Variants in KMT2C observed in about 807,000 individuals in gnomAD.
The protein encoded by KMT2C is histone-lysine N-methyltransferase 2C.
In KMT2C, 88 loss-of-function variants were observed where a neutral mutation model predicts 507.9. The ratio of observed to expected loss-of-function variants is 0.17; its 90% CI spans 0.15 to 0.21. KMT2C has a LOEUF of 0.21. Among genes scored for constraint, KMT2C ranks in the 10% least tolerant of loss-of-function variants. KMT2C has a pLI of 1.00. For synonymous variants in KMT2C, 2,049 were observed against 2,080.8 expected, an observed-to-expected ratio of 0.98 and a Z score of 0.42; for missense variants, 4,954 against 5,957.8, an observed-to-expected ratio of 0.83 and a Z score of 5.55.
At chr7:152,409,289 GA>G (rs1342150307) in intron 1 of KMT2C, among the ~76,000 whole-genome samples, 1 of 151,914 alleles carries the variant, frequency 6.6e-6, no homozygotes, top group Non-Finnish European at 1.5e-5. Flanking sequence ...TTAGAGGTGT[GA>G]GCCACCAAGA....
intron 6 of KMT2C, among the ~76,000 whole-genome samples, chr7:152,286,995 T>C (rs2096310825): frequency 6.6e-6 from 1 of 152,208 alleles, no homozygotes; most frequent in Admixed American, 6.5e-5. Flanking sequence ...CATATACCTT[T>C]TGCAAAGACT....
At chr7:152,326,380 A>G (rs531590076) in intron 3 of KMT2C, among the ~76,000 whole-genome samples, 10 of 152,148 alleles carry the variant, frequency 6.6e-5, no homozygotes, top group Middle Eastern at 3.4e-3. Flanking sequence ...TTTCTCTATA[A>G]AAGTCTTACA....
intron 22 of KMT2C, among the ~76,000 whole-genome samples, chr7:152,221,256 C>T (rs542361444): frequency 3.0e-4 from 45 of 152,150 alleles, no homozygotes; most frequent in African/African-American, 1.1e-3. Flanking sequence ...GACTCTGTCT[C>T]AAAAAAGTCT....
chr7:152,149,793 A>T (rs899139164), intron 51 of KMT2C, among the ~76,000 whole-genome samples: 1 of 152,136 alleles, frequency 6.6e-6, no homozygotes, highest in Admixed American at 6.5e-5. Flanking sequence ...AGTATCATAA[A>T]CTAATAAACA....
At chr7:152,201,693 G>T (rs1355453184) in intron 26 of KMT2C, among the ~76,000 whole-genome samples, 1 of 137,166 alleles carries the variant, frequency 7.3e-6, no homozygotes, top group Non-Finnish European at 1.6e-5. Context: ...TTAAATGATC[G>T]TTTAAAAAAA....
chr7:152,242,395 TA>T (rs2095404131), intron 14 of KMT2C, among the ~76,000 whole-genome samples: 1 of 152,172 alleles, frequency 6.6e-6, no homozygotes, highest in Non-Finnish European at 1.5e-5. Context: ...AAAAAGTTAC[TA>T]AAAATTACTA....
chr7:152,195,791 C>T, intron 28 of KMT2C, 116 bp downstream of exon 28: 1 of 587,942 alleles, frequency 1.7e-6, no homozygotes, highest in Non-Finnish European at 2.7e-6. Flanking sequence ...TTAACAAAGC[C>T]AAAAACAAAA....
chr7:152,262,435 T>G (rs1017683806), intron 9 of KMT2C, among the ~76,000 whole-genome samples: 1 of 152,056 alleles, frequency 6.6e-6, no homozygotes, highest in Non-Finnish European at 1.5e-5. Flanking sequence ...ACTACCCCAC[T>G]GCCCCCAACC....
intron 3 of KMT2C, among the ~76,000 whole-genome samples, chr7:152,324,367 A>G (rs909787614): frequency 2.0e-5 from 3 of 151,750 alleles, no homozygotes; most frequent in Non-Finnish European, 4.4e-5. Flanking sequence ...ATGGATGTTA[A>G]TTTACTTGAT....
In KMT2C at chr7:152,154,295, A is replaced by T. The variant is rs2129098661; in HGVS notation, c.12111T>A (p.Ile4037=). The change falls in exon 47 of 59, where the codon ATT becomes ATA. Residue 4037 remains isoleucine (I), a synonymous_variant. Transcript: ENST00000262189. ...TCCCAGCAGTGCTAGGAAGAATTGG[A>T]ATGATGGGGGACGGCACCGGTTCTG... ...EPPEPVPSPI[I]PILPSTAGKS... is the part of the protein sequence containing the mutation. 1 of 1,614,188 alleles carries T rather than the reference A, an allele frequency of 6.2e-7. No individual in the cohort carries two copies.
At chr7:152,240,955 T>G (rs1196347455) in intron 14 of KMT2C, among the ~76,000 whole-genome samples, 1 of 152,184 alleles carries the variant, frequency 6.6e-6, no homozygotes, top group Non-Finnish European at 1.5e-5. Flanking sequence ...AGTACAAATG[T>G]GATCAAGCAA....
At chr7:152,300,309 G>T (rs772985413) in intron 6 of KMT2C, among the ~76,000 whole-genome samples, 11 of 152,160 alleles carry the variant, frequency 7.2e-5, no homozygotes, top group Non-Finnish European at 1.5e-4. Flanking sequence ...ATTTCAAGAG[G>T]GTTCCCTAAC....
intron 6 of KMT2C, among the ~76,000 whole-genome samples, chr7:152,301,773 G>C (rs1406885535): frequency 6.6e-6 from 1 of 151,950 alleles, no homozygotes; most frequent in Non-Finnish European, 1.5e-5. Flanking sequence ...AAAAACACTA[G>C]GATTCTATAG....
At chr7:152,215,739 C>G (rs1423883525) in intron 23 of KMT2C, among the ~76,000 whole-genome samples, 1 of 150,494 alleles carries the variant, frequency 6.6e-6, no homozygotes, top group Non-Finnish European at 1.5e-5. Context: ...CACACACACA[C>G]ACACACACAT....
At chr7:152,370,235 C>A (rs775071258) in intron 1 of KMT2C, among the ~76,000 whole-genome samples, 1 of 151,770 alleles carries the variant, frequency 6.6e-6, no homozygotes, top group Non-Finnish European at 1.5e-5. Context: ...GTATGAACAA[C>A]TCCACACACA....
chr7:152,159,040 A>C lies in KMT2C; in HGVS notation c.11493T>G (p.Phe3831Leu), dbSNP rs587778507. ...QTLGAQMQGG[F>L]GCGNQLPKTD... The stretch of plus-strand genomic sequence containing the variant: ...TTTTTGGCAACTGGTTGCCACATCC[A>C]AAACCACCTTGCATTTGAGCCCCCA... Residue 3831 changes from phenylalanine (F) to leucine (L), a missense_variant, in exon 44 of 59, where the codon TTT becomes TTG. Around this residue, in one of 29 missense-constraint regions of KMT2C, gnomAD observed 801 missense variants for 751.2 expected, o/e 1.07. Coordinates refer to ENST00000262189, the MANE Select transcript of KMT2C (RefSeq NM_170606.3). 1.2e-6 allele frequency: 2 copies of C among 1,614,178 alleles called. No individual in the cohort carries two copies. Among genetic ancestry groups the C allele is most frequent in the East Asian group, 2.2e-5 (1 of 44,880 alleles).
intron 16 of KMT2C, among the ~76,000 whole-genome samples, chr7:152,234,743 A>T (rs187610752): frequency 3.3e-4 from 50 of 152,202 alleles, no homozygotes; most frequent in Admixed American, 7.9e-4. Flanking sequence ...TCTATCAAAA[A>T]TTTTAAAAAA....
At chr7:152,391,211 T>C (rs1280573495) in intron 1 of KMT2C, among the ~76,000 whole-genome samples, 2 of 150,346 alleles carry the variant, frequency 1.3e-5, no homozygotes, top group East Asian at 2.0e-4. Flanking sequence ...TGTATGTTTT[T>C]CCTAGGTTTT....
intron 33 of KMT2C, among the ~76,000 whole-genome samples, chr7:152,186,416 G>A (rs2093629004): frequency 6.6e-6 from 1 of 152,184 alleles, no homozygotes. Flanking sequence ...AAAGAAAGTG[G>A]CTGAAGAATG....
Sources: gnomAD v4.1 joint callset for allele counts (sites outside exome capture counted in the v4.1 genomes callset) on GRCh38, gnomAD v4.1.1 for gene constraint, gnomAD v4.1.1 regional missense constraint, MANE v1.5 for transcripts, NCBI Gene and HGNC (gene_info 2026-07-23, HGNC 2026-07-21) for gene names.